SARAF: variants seen among roughly 807,000 people sequenced by gnomAD.
SARAF encodes store-operated calcium entry associated regulatory factor.
A neutral mutation model predicts 39.7 loss-of-function variants in SARAF; 23 were observed. The observed-to-expected ratio is 0.58, with a 90% CI of 0.42 to 0.82. The LOEUF is 0.82. Among genes scored for constraint, SARAF ranks in the 40% least tolerant of loss-of-function variants. The probability of loss-of-function intolerance (pLI) is 0.00; values close to 1 mark genes in which losing one functional copy is unlikely to be tolerated. For missense variants in SARAF, 384 were observed against 418.5 expected (o/e 0.92, Z 0.72); for synonymous variants, 175 against 168.5 (o/e 1.04, Z -0.30).
chr8:30,073,353 TC>T (rs1343236679), intron 2 of SARAF, among the ~76,000 whole-genome samples: 1 of 152,246 alleles, frequency 6.6e-6, no homozygotes, highest in African/African-American at 2.4e-5. Flanking sequence ...AAGGAGATGC[TC>T]TGCTCGTATA....
chr8:30,073,359 C>A (rs953408472), intron 2 of SARAF, among the ~76,000 whole-genome samples: 2 of 152,152 alleles, frequency 1.3e-5, no homozygotes, highest in Non-Finnish European at 2.9e-5. Context: ...ATGCTCTGCT[C>A]GTATACAAAA....
At chr8:30,064,492 CACT>C (rs921034938) in intron 5 of SARAF, among the ~76,000 whole-genome samples, 9 of 146,588 alleles carry the variant, frequency 6.1e-5, no homozygotes, top group Non-Finnish European at 5.9e-5. Flanking sequence ...GTCTTCTTTC[CACT>C]GAGAATGAAT....
intron 1 of SARAF, chr8:30,078,329 G>A (rs1173746682): frequency 4.7e-6 from 2 of 424,756 alleles, no homozygotes; most frequent in East Asian, 7.3e-5. Context: ...CCACACTGAA[G>A]GACTTGAGTT....
At chr8:30,081,971 C>T (rs1006176543) in intron 1 of SARAF, among the ~76,000 whole-genome samples, 1 of 152,054 alleles carries the variant, frequency 6.6e-6, no homozygotes, top group Non-Finnish European at 1.5e-5. Context: ...TTTTTAAATT[C>T]TTCTCTACGG....
At chr8:30,079,662 T>C (rs1164603763) in intron 1 of SARAF, among the ~76,000 whole-genome samples, 1 of 152,222 alleles carries the variant, frequency 6.6e-6, no homozygotes, top group Non-Finnish European at 1.5e-5. Flanking sequence ...TTAATTTACC[T>C]GTGTAGAAGT....
intron 1 of SARAF, among the ~76,000 whole-genome samples, chr8:30,077,766 C>T (rs1013210453): frequency 2.0e-5 from 3 of 151,634 alleles, no homozygotes; most frequent in African/African-American, 2.4e-5. Flanking sequence ...TGTGCCACTG[C>T]ACTCCAGCCT....
Position 30,083,020 on chromosome 8 carries a change from A to T in SARAF, c.-71T>A. 5 of 1,200,308 alleles carry T rather than the reference A, an allele frequency of 4.2e-6. No individual in the cohort carries two copies. Among genetic ancestry groups the T allele is most frequent in the Non-Finnish European group, 5.8e-6 (5 of 864,050 alleles). The allele number at this position is 1,200,308 out of a possible 1,614,324, so 74.4% of individuals were successfully genotyped here. The stretch of plus-strand genomic sequence containing the variant: ...GAACCTGGGTGCGGTAGCGCGCGCG[A>T]CGCTGCGCAGCTACACCGCTACCCC... On this transcript the variant is annotated 5_prime_UTR_variant, in exon 1 of 6. Transcript: ENST00000256255.
intron 3 of SARAF, among the ~76,000 whole-genome samples, chr8:30,069,374 A>G (rs973263920): frequency 6.6e-6 from 1 of 151,970 alleles, no homozygotes; most frequent in Non-Finnish European, 1.5e-5. Flanking sequence ...TCCCAACCTC[A>G]AGTGATCTGC....
At chr8:30,066,273 T>A in intron 4 of SARAF, 134 bp from the exon 5 acceptor site, 1 of 942,682 alleles carries the variant, frequency 1.1e-6, no homozygotes, top group East Asian at 2.7e-5. Context: ...TATATCAGAG[T>A]TAACATGAAA....
intron 1 of SARAF, among the ~76,000 whole-genome samples, chr8:30,080,959 G>A (rs1039313284): frequency 6.6e-6 from 1 of 152,158 alleles, no homozygotes; most frequent in Non-Finnish European, 1.5e-5. Context: ...GACCAACATG[G>A]AGAAACCCTG....
chr8:30,074,206 A>G, intron 1 of SARAF, 151 bp from the exon 2 acceptor site: 3 of 867,552 alleles, frequency 3.5e-6, no homozygotes, highest in South Asian at 2.0e-5. Context: ...AAACTATCCC[A>G]ACAACATTCA....
At chr8:30,075,300 C>CA (rs10717825) in intron 1 of SARAF, among the ~76,000 whole-genome samples, 13 of 130,800 alleles carry the variant, frequency 9.9e-5, no homozygotes, top group African/African-American at 3.7e-4. Flanking sequence ...AACTCCATCT[C>CA]AAAAAAAAAA....
intron 1 of SARAF, among the ~76,000 whole-genome samples, chr8:30,074,429 A>G (rs1801912583): frequency 6.6e-6 from 1 of 152,234 alleles, no homozygotes; most frequent in Admixed American, 6.5e-5. Context: ...AATGCTTTAA[A>G]TGTCCATCAA....
chr8:30,066,885 C>A lies in SARAF; in HGVS notation c.734G>T (p.Gly245Val). 2 of 1,614,114 alleles carry A rather than the reference C, an allele frequency of 1.2e-6. No individual in the cohort carries two copies. The highest frequency in any genetic ancestry group is 2.2e-5 in the East Asian group (1 of 44,884). ...PQNTGHGATS[G>V]FGSAFTGQQG... ...TTGTCCTGTAAAAGCACTGCCAAAA[C>A]CAGAAGTTGCACCATGGCCAGTATT... The change falls in exon 4 of 6, where the codon GGT becomes GTT. Residue 245 changes from glycine (G) to valine (V), a missense_variant. Coordinates refer to ENST00000256255, the MANE Select transcript of SARAF (RefSeq NM_016127.6).
At chr8:30,063,990 T>A (rs934139619) in intron 5 of SARAF, 77 bp from the exon 6 acceptor site, 12 of 1,263,746 alleles carry the variant, frequency 9.5e-6, no homozygotes, top group Middle Eastern at 4.6e-4. Context: ...AAGTCATACA[T>A]GTTTATTGTC....
At chr8:30,064,557 A>ATTTTTTTTTTTTTTTTTTTTT (rs1458215350) in intron 5 of SARAF, among the ~76,000 whole-genome samples, 1 of 50,652 alleles carries the variant, frequency 2.0e-5, no homozygotes, top group Non-Finnish European at 3.2e-5. Flanking sequence ...ATATATATAT[A>ATTTTTTTTTTTTTTTTTTTTT]TATATTTTTT....
chr8:30,066,119 T>G lies in SARAF; in HGVS notation c.863A>C (p.Asp288Ala), dbSNP rs1563350998. 6.2e-7 allele frequency: 1 copy of G among 1,613,950 alleles called. No individual in the cohort carries two copies. The highest frequency in any genetic ancestry group is 8.5e-7 in the Non-Finnish European group (1 of 1,179,960). ...GSNRAATPFS[D>A]SWYYPSYPPS... ...AGGATAGGACGGGTAGTACCACGAG[T>G]CTGAGAAGGGTGTTGCCGCTCTTTA... Residue 288 changes from aspartate (D) to alanine (A), a missense_variant, in exon 5 of 6, where the codon GAC becomes GCC. Transcript: ENST00000256255.
At position 30,082,992 on chromosome 8, in the gene SARAF, G is replaced by T; in HGVS notation, c.-43C>A. The T allele has an allele frequency of 6.8e-7, 1 of 1,461,642 alleles. No individual in the cohort carries two copies. The highest frequency in any genetic ancestry group is 9.2e-7 in the Non-Finnish European group (1 of 1,082,110). The allele number at this position is 1,461,642 out of a possible 1,614,324, so 90.5% of individuals were successfully genotyped here. On this transcript the variant is annotated 5_prime_UTR_variant, in exon 1 of 6. Coordinates refer to ENST00000256255, the MANE Select transcript of SARAF (RefSeq NM_016127.6). ...GCGCCGGGCTGCCAGACGCCTACGG[G>T]CCGAACCTGGGTGCGGTAGCGCGCG...
intron 1 of SARAF, chr8:30,078,084 G>A (rs1177802944): frequency 1.9e-5 from 5 of 258,282 alleles, no homozygotes; most frequent in African/African-American, 7.2e-5. Flanking sequence ...AGGTTGCAGC[G>A]AGCCGAGATG....
Sources: gnomAD v4.1 joint callset for allele counts (sites outside exome capture counted in the v4.1 genomes callset) on GRCh38, gnomAD v4.1.1 for gene constraint, MANE v1.5 for transcripts, NCBI Gene and HGNC (gene_info 2026-07-23, HGNC 2026-07-21) for gene names.